PTPRM: variants seen among roughly 807,000 people sequenced by gnomAD.
PTPRM encodes protein tyrosine phosphatase receptor type M.
A neutral mutation model predicts 186.7 loss-of-function variants in PTPRM; 47 were observed. The observed-to-expected ratio is 0.25, with a 90% CI of 0.20 to 0.32. The LOEUF (loss-of-function observed/expected upper bound fraction) is 0.32. Among genes scored for constraint, PTPRM ranks in the 10% least tolerant of loss-of-function variants. The probability of loss-of-function intolerance (pLI) is 1.00; values close to 1 mark genes in which losing one functional copy is unlikely to be tolerated. For missense variants in PTPRM, 1,494 were observed against 1,865.0 expected (o/e 0.80, Z 3.66); for synonymous variants, 668 against 674.9 (o/e 0.99, Z 0.16).
chr18:7,956,904 C>T (rs951908467), intron 7 of PTPRM, among the ~76,000 whole-genome samples: 1 of 152,200 alleles, frequency 6.6e-6, no homozygotes, highest in African/African-American at 2.4e-5. Context: ...ATGAATTCTC[C>T]AGGGCAGGTT....
chr18:7,956,539 G>A (rs564575047), intron 7 of PTPRM, among the ~76,000 whole-genome samples: 2 of 152,222 alleles, frequency 1.3e-5, no homozygotes, highest in Admixed American at 6.5e-5. Context: ...TTAGTAGACT[G>A]TGTACTTTGC....
chr18:8,013,591 G>T (rs188234115), intron 7 of PTPRM, among the ~76,000 whole-genome samples: 153 of 152,280 alleles, frequency 1.0e-3, no homozygotes, highest in Non-Finnish European at 2.0e-3. Flanking sequence ...TGTCTCAGGT[G>T]CCAGAGATGG....
At chr18:7,781,839 C>CCCAAGAAA (rs2042870951) in intron 2 of PTPRM, among the ~76,000 whole-genome samples, 3 of 152,196 alleles carry the variant, frequency 2.0e-5, no homozygotes, top group East Asian at 3.9e-4. Context: ...ATTCCAGTCA[C>CCCAAGAAA]TGAACCCAAG....
intron 11 of PTPRM, among the ~76,000 whole-genome samples, chr18:8,110,197 C>T (rs1253452908): frequency 6.6e-6 from 1 of 152,122 alleles, no homozygotes; most frequent in Non-Finnish European, 1.5e-5. Context: ...AAACCTTTGC[C>T]CTTCTTCTTC....
intron 14 of PTPRM, among the ~76,000 whole-genome samples, chr18:8,209,839 G>A (rs2093978095): frequency 6.6e-6 from 1 of 151,882 alleles, no homozygotes; most frequent in Non-Finnish European, 1.5e-5. Context: ...GGGGTAAGGG[G>A]AGGGAGAGCA....
rs115267332 is a variant in PTPRM at position 7,942,123 on chromosome 18, A to G, written c.664-7058A>G. On this transcript the variant is annotated intron_variant, in intron 5 of 32. Transcript: ENST00000580170. ...TATGGTGAAACCCTGTGTCTACTCT[A>G]AATACAAAAATTAGCTGGTTGTGGT... Among the ~76,000 whole-genome samples, 736 of 152,052 alleles carry G rather than the reference A, an allele frequency of 4.8e-3. 6 individuals are homozygous for G. Among genetic ancestry groups the G allele is most frequent in the African/African-American group, 0.017 (699 of 41,462 alleles).
chr18:8,010,968 G>T (rs2084493467), intron 7 of PTPRM, among the ~76,000 whole-genome samples: 1 of 152,168 alleles, frequency 6.6e-6, no homozygotes, highest in Middle Eastern at 3.2e-3. Context: ...CTTGAATGTG[G>T]TGTAAAACAA....
At chr18:8,017,444 G>A (rs2084941175) in intron 7 of PTPRM, among the ~76,000 whole-genome samples, 1 of 151,922 alleles carries the variant, frequency 6.6e-6, no homozygotes, top group African/African-American at 2.4e-5. Flanking sequence ...TTAGTTGGGT[G>A]CGGTGACATG....
chr18:8,346,087 G>A (rs2095503474), intron 23 of PTPRM, among the ~76,000 whole-genome samples: 1 of 152,176 alleles, frequency 6.6e-6, no homozygotes, highest in Non-Finnish European at 1.5e-5. Context: ...GTCTCTGCCG[G>A]GAGCCAGCAT....
intron 4 of PTPRM, among the ~76,000 whole-genome samples, chr18:7,919,567 C>T (rs181099262): frequency 6.6e-6 from 1 of 152,070 alleles, no homozygotes; most frequent in Non-Finnish European, 1.5e-5. Context: ...CCATTGAGGT[C>T]AGAAAAGATA....
intron 3 of PTPRM, among the ~76,000 whole-genome samples, chr18:7,892,415 T>C (rs1451019192): frequency 1.3e-5 from 2 of 152,140 alleles, no homozygotes; most frequent in African/African-American, 2.4e-5. Flanking sequence ...AGTAAGATGG[T>C]CCCATATATT....
chr18:7,888,474 A>G lies in PTPRM; in HGVS notation c.468+97A>G, dbSNP rs899404834. The G allele has an allele frequency of 1.6e-5, 22 of 1,373,606 alleles. 1 individual carries two copies. The South Asian group carries it at 2.7e-4, about 17-fold the overall frequency. 85.1% of individuals were successfully genotyped at this position (1,373,606 alleles called of 1,614,324 possible). On this transcript the variant is annotated intron_variant, in intron 3 of 32. Transcript: ENST00000580170. Reference sequence around the variant, plus strand: ...CATTATAATCAGAAAAGGTTGTTGTATTTTTGTTGGCAAGGTTGTGGAGAA... The same window carrying G: ...CATTATAATCAGAAAAGGTTGTTGTGTTTTTGTTGGCAAGGTTGTGGAGAA...
chr18:7,626,408 C>A (rs1326484311), intron 1 of PTPRM, among the ~76,000 whole-genome samples: 1 of 152,284 alleles, frequency 6.6e-6, no homozygotes, highest in African/African-American at 2.4e-5. Context: ...TTTTCCATTT[C>A]ATAATCTCAT....
At chr18:8,376,764 T>C in intron 26 of PTPRM, 167 bp downstream of exon 26, 2 of 894,606 alleles carry the variant, frequency 2.2e-6, no homozygotes, top group Non-Finnish European at 3.2e-6. Flanking sequence ...CTTTTTGTTT[T>C]TCCTCTCATA....
intron 7 of PTPRM, among the ~76,000 whole-genome samples, chr18:7,984,860 T>C (rs2082781829): frequency 1.5e-5 from 2 of 133,032 alleles, no homozygotes; most frequent in East Asian, 2.2e-4. Context: ...TATATACACA[T>C]ATATAAATAT....
chr18:8,348,826 A>G (rs1196907015), intron 23 of PTPRM, among the ~76,000 whole-genome samples: 1 of 152,208 alleles, frequency 6.6e-6, no homozygotes, highest in Non-Finnish European at 1.5e-5. Flanking sequence ...TAAAAATCCA[A>G]ATGAGGTCTC....
chr18:7,988,898 T>A (rs2083113720), intron 7 of PTPRM, among the ~76,000 whole-genome samples: 1 of 152,188 alleles, frequency 6.6e-6, no homozygotes, highest in Admixed American at 6.5e-5. Flanking sequence ...GTTTGATTTC[T>A]AAGGGCTTTT....
chr18:7,602,333 ATTAAAAG>A (rs1281426694), intron 1 of PTPRM, among the ~76,000 whole-genome samples: 2 of 152,222 alleles, frequency 1.3e-5, no homozygotes, highest in Non-Finnish European at 2.9e-5. Flanking sequence ...GGAGGCACAA[ATTAAAAG>A]AAGACCAGTG....
intron 7 of PTPRM, chr18:8,049,343 T>C (rs1005808703): frequency 6.6e-6 from 1 of 152,164 alleles, no homozygotes; most frequent in Non-Finnish European, 1.5e-5. Context: ...TTGTTTATAG[T>C]GCCTGTGTGA....
Sources: gnomAD v4.1 joint callset for allele counts (sites outside exome capture counted in the v4.1 genomes callset) on GRCh38, gnomAD v4.1.1 for gene constraint, MANE v1.5 for transcripts, NCBI Gene and HGNC (gene_info 2026-07-23, HGNC 2026-07-21) for gene names.